The following BSN variants were observed in gnomAD, a reference collection of about 807,000 sequenced individuals.
BSN encodes the protein bassoon presynaptic cytomatrix protein.
Under a neutral mutation model 264.8 loss-of-function variants are expected in BSN, and 57 were observed. The ratio of observed to expected loss-of-function variants is 0.22; its 90% CI spans 0.17 to 0.27. BSN has a LOEUF of 0.27. BSN is among the 10% of genes least tolerant of loss of function. The probability of loss-of-function intolerance (pLI) is 1.00; values close to 1 mark genes in which losing one functional copy is unlikely to be tolerated. For missense variants in BSN, 4,615 were observed against 5,232.5 expected, an observed-to-expected ratio of 0.88 and a Z score of 3.64; for synonymous variants, 2,059 against 2,137.3, an observed-to-expected ratio of 0.96 and a Z score of 1.01.
intron 1 of BSN, among the ~76,000 whole-genome samples, chr3:49,605,359 TATA>T (rs2052105739): frequency 1.3e-5 from 1 of 77,472 alleles, no homozygotes; most frequent in Non-Finnish European, 2.3e-5. Flanking sequence ...AATATATATT[TATA>T]AATATATATT....
At chr3:49,595,479 G>T (rs1475964065) in intron 1 of BSN, among the ~76,000 whole-genome samples, 1 of 151,592 alleles carries the variant, frequency 6.6e-6, no homozygotes, top group Non-Finnish European at 1.5e-5. Context: ...GTGAGCCACT[G>T]CGCCCGGCCT....
At chr3:49,600,891 T>A (rs2052068513) in intron 1 of BSN, among the ~76,000 whole-genome samples, 1 of 152,124 alleles carries the variant, frequency 6.6e-6, no homozygotes, top group Non-Finnish European at 1.5e-5. Context: ...CTCCTGTGTA[T>A]GGCATGCATG....
At position 49,649,162 on chromosome 3, in the gene BSN, T is replaced by A. The variant is rs2052520260; in HGVS notation, c.1519-1450T>A. 2.0e-5 allele frequency among the ~76,000 whole-genome samples: 3 copies of A among 152,206 alleles called. No individual in the cohort carries two copies. In the South Asian group the frequency reaches 6.2e-4, roughly 31 times the overall value. On this transcript the variant is annotated intron_variant, in intron 3 of 11. Coordinates refer to ENST00000296452, the MANE Select transcript of BSN (RefSeq NM_003458.4). ...AGGCTAAGGGCAGGCACCCTGGGGG[T>A]ACCAGGCTTCCAAGGCTGCCAGAGG...
At chr3:49,630,024 C>T (rs940798832) in intron 2 of BSN, among the ~76,000 whole-genome samples, 2 of 152,198 alleles carry the variant, frequency 1.3e-5, no homozygotes, top group Admixed American at 1.3e-4. Flanking sequence ...GCAGTGGCTC[C>T]GAGCCTCTCT....
chr3:49,643,432 T>C (rs2052482543), intron 3 of BSN, among the ~76,000 whole-genome samples: 1 of 152,184 alleles, frequency 6.6e-6, no homozygotes, highest in African/African-American at 2.4e-5. Context: ...GGCCTCCCCA[T>C]TTCCAGCTAC....
intron 1 of BSN, among the ~76,000 whole-genome samples, chr3:49,615,841 G>A (rs961389583): frequency 6.6e-6 from 1 of 152,174 alleles, no homozygotes; most frequent in African/African-American, 2.4e-5. Flanking sequence ...GACTGAATCT[G>A]GTCTGGGAAA....
At chr3:49,618,215 T>C (rs2052276412) in intron 1 of BSN, among the ~76,000 whole-genome samples, 1 of 152,132 alleles carries the variant, frequency 6.6e-6, no homozygotes, top group Non-Finnish European at 1.5e-5. Context: ...TCTTAATGTC[T>C]CTTACCCCCT....
In BSN at chr3:49,652,913, C is replaced by G. The variant is rs1302174495; in HGVS notation, c.3357C>G (p.His1119Gln). 6 of 1,610,214 alleles carry G rather than the reference C, an allele frequency of 3.7e-6. No individual in the cohort carries two copies. Among genetic ancestry groups the G allele is most frequent in the Middle Eastern group, 3.3e-4 (2 of 6,072 alleles). The change falls in exon 5 of 12, where the codon CAC becomes CAG. Residue 1119 changes from histidine to glutamine, a missense_variant. Physicochemically the swap from His to Gln is conservative, Grantham distance 24. Around this residue, in one of 3 missense-constraint regions of BSN, gnomAD observed 3,415 missense variants for 3,866.4 expected, o/e 0.88. Transcript: ENST00000296452. ...AGGCGGCCGAGATGGAGGAGCTACA[C>G]CGCTCCTCCTGCTCTGAGTACTCAC... Reference protein sequence around the residue: ...LRQAAEMEELHRSSCSEYSPS... With the variant: ...LRQAAEMEELQRSSCSEYSPS...
At chr3:49,596,529 A>AT (rs1213797830) in intron 1 of BSN, among the ~76,000 whole-genome samples, 3 of 152,082 alleles carry the variant, frequency 2.0e-5, no homozygotes, top group African/African-American at 7.2e-5. Flanking sequence ...TGTAATTTTA[A>AT]TTTTTTGTAG....
chr3:49,630,414 C>G (rs1236519339), intron 2 of BSN, among the ~76,000 whole-genome samples: 1 of 152,220 alleles, frequency 6.6e-6, no homozygotes, highest in African/African-American at 2.4e-5. Context: ...CCACTTTGAC[C>G]TAAACAGTCT....
intron 1 of BSN, among the ~76,000 whole-genome samples, chr3:49,577,455 A>G (rs991639491): frequency 2.6e-5 from 4 of 152,228 alleles, no homozygotes; most frequent in Admixed American, 2.0e-4. Context: ...CTTGGAGGCC[A>G]GGAGTTCCCA....
chr3:49,625,216 T>C lies in BSN; in HGVS notation c.466T>C (p.Tyr156His). The change falls in exon 2 of 12, where the codon TAC becomes CAC. Residue 156 changes from tyrosine to histidine, a missense_variant. Tyr to His is a moderately conservative substitution (Grantham distance 83, BLOSUM62 2). Around this residue, in one of 3 missense-constraint regions of BSN, gnomAD observed 1,197 missense variants for 1,348.0 expected, o/e 0.89. Transcript: ENST00000296452. This position sits in a 1 kb window ranked among gnomAD's most constrained non-coding sequence, Gnocchi z 4.4. The stretch of plus-strand genomic sequence containing the variant: ...CAGAGGCAGCACCCCCACATCACCC[T>C]ACTCCGTCCCTCAGATCGCCCCCCT... ...PDRGSTPTSPYSVPQIAPLPS... is the reference protein window; with the variant it reads ...PDRGSTPTSPHSVPQIAPLPS... 6.3e-7 allele frequency: 1 copy of C among 1,577,184 alleles called. No homozygotes were observed. Among genetic ancestry groups the C allele is most frequent in the South Asian group, 1.2e-5 (1 of 85,298 alleles).
chr3:49,587,088 A>G (rs1278416327), intron 1 of BSN, among the ~76,000 whole-genome samples: 1 of 152,110 alleles, frequency 6.6e-6, no homozygotes, highest in African/African-American at 2.4e-5. Flanking sequence ...TTAATTCTTC[A>G]GTGTTTCATA....
At position 49,625,377 on chromosome 3, in the gene BSN, C is replaced by G. The variant is rs1320097517; in HGVS notation, c.627C>G (p.Leu209=). ...GTGGGTTCAACCCCAACCCTCATCT[C>G]ACCCAGGTAACCACTTCTGCGCCGG... ...NQCGFNPNPH[L]TQVKEWLCLN... The change falls in exon 2 of 12, where the codon CTC becomes CTG. Residue 209 remains leucine (L), a synonymous_variant. Transcript: ENST00000296452. This position sits in a 1 kb window ranked among gnomAD's most constrained non-coding sequence, Gnocchi z 4.4. 1 of 1,482,804 alleles carries G rather than the reference C, an allele frequency of 6.7e-7. No individual in the cohort carries two copies. The allele number at this position is 1,482,804 out of a possible 1,614,324, so 91.9% of individuals were successfully genotyped here.
intron 2 of BSN, among the ~76,000 whole-genome samples, chr3:49,640,314 C>G (rs924442335): frequency 2.0e-5 from 3 of 152,230 alleles, no homozygotes; most frequent in African/African-American, 7.2e-5. Flanking sequence ...GAGCCCTGCT[C>G]TGTACCACAT....
At chr3:49,606,188 TTA>T (rs1312825056) in intron 1 of BSN, among the ~76,000 whole-genome samples, 1 of 25,434 alleles carries the variant, frequency 3.9e-5, no homozygotes, top group Non-Finnish European at 6.7e-5. Context: ...TGTATATATA[TTA>T]TATATACATA....
intron 1 of BSN, among the ~76,000 whole-genome samples, chr3:49,605,188 AG>A (rs1243706329): frequency 7.0e-6 from 1 of 142,892 alleles, no homozygotes; most frequent in Non-Finnish European, 1.5e-5. Flanking sequence ...TGAACCTGGG[AG>A]GTGGAGGTTG....
At chr3:49,608,188 C>T (rs2052173863) in intron 1 of BSN, among the ~76,000 whole-genome samples, 1 of 152,190 alleles carries the variant, frequency 6.6e-6, no homozygotes, top group South Asian at 2.1e-4. Flanking sequence ...AGGCAGGAGC[C>T]AAAGTGCCAC....
chr3:49,598,865 A>G (rs2052048322), intron 1 of BSN, among the ~76,000 whole-genome samples: 1 of 152,256 alleles, frequency 6.6e-6, no homozygotes, highest in African/African-American at 2.4e-5. Flanking sequence ...AAAGGCATAT[A>G]GATTAGAAAA....
Sources: gnomAD v4.1 joint callset for allele counts (sites outside exome capture counted in the v4.1 genomes callset) on GRCh38, gnomAD v4.1.1 for gene constraint, gnomAD v4.1.1 regional missense constraint, Gnocchi (gnomAD v3.1) non-coding constraint, MANE v1.5 for transcripts, NCBI Gene and HGNC (gene_info 2026-07-23, HGNC 2026-07-21) for gene names.